The following STK3 variants were observed in gnomAD, a reference collection of about 807,000 sequenced individuals.
STK3 encodes the protein serine/threonine kinase 3, also known as serine/threonine-protein kinase 3.
In STK3, 41 loss-of-function variants were observed where a neutral mutation model predicts 58.0. The observed-to-expected ratio is 0.71, with a 90% CI of 0.55 to 0.92. The LOEUF (loss-of-function observed/expected upper bound fraction) is 0.92, where lower values mean the gene tolerates loss of function less well. Among genes scored for constraint, STK3 ranks in the 40% least tolerant of loss-of-function variants. The pLI, the probability that STK3 is intolerant of heterozygous loss-of-function variation, is 0.00. For synonymous variants in STK3, 170 were observed against 191.0 expected (o/e 0.89, Z 0.91); for missense variants, 479 against 602.7 (o/e 0.79, Z 2.15).
In STK3 at chr8:98,428,438, C is replaced by T. The variant is rs781130635; in HGVS notation, n.483+5689G>A. The stretch of plus-strand genomic sequence containing the variant: ...CGTCTTCCTTCGATGAGATCCTTGC[C>T]TTCTACAACGACGCCTCCAAGTTCG... On this transcript the variant is annotated intron_variant and non_coding_transcript_variant, in intron 3 of 3. Coordinates refer to the STK3 transcript ENST00000517832. The surrounding 1 kb of genome is among the most constrained non-coding windows in gnomAD (Gnocchi z 6.7). 2 of 1,614,146 alleles carry T rather than the reference C, an allele frequency of 1.2e-6. No individual in the cohort carries two copies. The highest frequency in any genetic ancestry group is 1.1e-5 in the South Asian group (1 of 91,086).
At chr8:98,933,825 A>G (rs777778199) in intron 1 of STK3, among the ~76,000 whole-genome samples, 5 of 152,208 alleles carry the variant, frequency 3.3e-5, no homozygotes, top group Admixed American at 6.5e-5. Flanking sequence ...GTTACTAAAT[A>G]TACTTCTAGA....
intron 4 of STK3, among the ~76,000 whole-genome samples, chr8:98,731,172 G>C (rs1251787558): frequency 6.6e-6 from 1 of 152,164 alleles, no homozygotes; most frequent in Non-Finnish European, 1.5e-5. Context: ...TTTCTATGGA[G>C]AAGGTCATAA....
intron 10 of STK3, among the ~76,000 whole-genome samples, chr8:98,481,920 A>G (rs1049847197): frequency 6.6e-6 from 1 of 152,182 alleles, no homozygotes; most frequent in Admixed American, 6.5e-5. Context: ...TACTAAAAAA[A>G]TTTAGTCATT....
intron 3 of STK3, among the ~76,000 whole-genome samples, chr8:98,840,605 A>G (rs1351150197): frequency 1.5e-5 from 2 of 132,302 alleles, no homozygotes; most frequent in Non-Finnish European, 3.2e-5. Flanking sequence ...ATATATATAT[A>G]TATATATATA....
At chr8:98,647,919 T>G (rs1394438568) in intron 6 of STK3, among the ~76,000 whole-genome samples, 1 of 152,196 alleles carries the variant, frequency 6.6e-6, no homozygotes, top group Non-Finnish European at 1.5e-5. Flanking sequence ...GTCCCATAAA[T>G]CCTGTGTGCA....
intron 6 of STK3, among the ~76,000 whole-genome samples, chr8:98,681,127 T>C (rs1377359557): frequency 6.6e-6 from 1 of 152,024 alleles, no homozygotes; most frequent in African/African-American, 2.4e-5. Context: ...GCCTCCCAAG[T>C]AGCTGGGACT....
intron 4 of STK3, among the ~76,000 whole-genome samples, chr8:98,718,291 A>G (rs1230927845): frequency 6.6e-6 from 1 of 152,200 alleles, no homozygotes; most frequent in African/African-American, 2.4e-5. Context: ...ACCATATTTG[A>G]GTTGAATAAA....
Position 98,777,447 on chromosome 8 carries a change from T to C in STK3, c.27-2628A>G, listed in dbSNP as rs142491513. Among the ~76,000 whole-genome samples, 530 of 152,052 alleles carry C rather than the reference T, an allele frequency of 3.5e-3. 3 individuals carry two copies. The highest frequency in any genetic ancestry group is 0.012 in the African/African-American group (477 of 41,460). ...GGAGACTGAGCCTGGGAGATGGAGGTTGCAGTGAGCCGAGATCACGCCACT... is the reference window on the plus strand; with the variant it reads ...GGAGACTGAGCCTGGGAGATGGAGGCTGCAGTGAGCCGAGATCACGCCACT... On this transcript the variant is annotated intron_variant, in intron 1 of 10. Coordinates refer to ENST00000419617, the MANE Select transcript of STK3 (RefSeq NM_006281.4).
chr8:98,367,424 G>C (rs780555190), downstream of STK3, among the ~76,000 whole-genome samples: 1 of 152,204 alleles, frequency 6.6e-6, no homozygotes, highest in Non-Finnish European at 1.5e-5. Context: ...GCTCCCAAGA[G>C]CAACAGGAAG....
chr8:98,772,850 C>T (rs982822976), intron 2 of STK3, among the ~76,000 whole-genome samples: 4 of 152,148 alleles, frequency 2.6e-5, no homozygotes, highest in African/African-American at 9.7e-5. Context: ...GATGCCGGCA[C>T]CGTGCTTTTT....
At chr8:98,808,395 A>G (rs966936595) in intron 1 of STK3, among the ~76,000 whole-genome samples, 1 of 152,100 alleles carries the variant, frequency 6.6e-6, no homozygotes, top group Non-Finnish European at 1.5e-5. Flanking sequence ...CTCTTTCTTT[A>G]TTTTCTCTGT....
At chr8:98,544,385 A>G (rs1278799388) in intron 9 of STK3, among the ~76,000 whole-genome samples, 1 of 152,174 alleles carries the variant, frequency 6.6e-6, no homozygotes, top group Non-Finnish European at 1.5e-5. Context: ...TAAGTTAATA[A>G]TATATACTGT....
intron 3 of STK3, chr8:98,427,678 G>T (rs1818257628): frequency 7.5e-6 from 2 of 266,712 alleles, no homozygotes; most frequent in Non-Finnish European, 1.4e-5. Flanking sequence ...GCAGCCCCCT[G>T]GGCGCTCAGA....
chr8:98,639,143 T>A (rs1480217733), intron 6 of STK3, among the ~76,000 whole-genome samples: 1 of 151,758 alleles, frequency 6.6e-6, no homozygotes, highest in Non-Finnish European at 1.5e-5. Context: ...AAGGTCTTAT[T>A]CTGTCACCCA....
chr8:98,645,482 ATT>A (rs1308939999), intron 6 of STK3, among the ~76,000 whole-genome samples: 2 of 152,210 alleles, frequency 1.3e-5, no homozygotes, highest in Non-Finnish European at 2.9e-5. Flanking sequence ...TAAACGGCAC[ATT>A]TTATATTAGA....
intron 3 of STK3, among the ~76,000 whole-genome samples, chr8:98,868,451 C>T (rs1837229732): frequency 6.6e-6 from 1 of 152,188 alleles, no homozygotes; most frequent in Non-Finnish European, 1.5e-5. Flanking sequence ...CTGTGTATCC[C>T]CCAGCCCCGC....
At chr8:98,897,072 GCAAAACAGATA>G (rs1838479129) in intron 1 of STK3, among the ~76,000 whole-genome samples, 1 of 152,152 alleles carries the variant, frequency 6.6e-6, no homozygotes, top group African/African-American at 2.4e-5. Flanking sequence ...CTGTGTCTAT[GCAAAACAGATA>G]CACCTCCACT....
chr8:98,614,691 G>A (rs1817519247), intron 6 of STK3, among the ~76,000 whole-genome samples: 1 of 152,214 alleles, frequency 6.6e-6, no homozygotes, highest in African/African-American at 2.4e-5. Flanking sequence ...TCAAAGAAAG[G>A]GGTGATGGAT....
chr8:98,684,278 T>A (rs1291395130), intron 6 of STK3, among the ~76,000 whole-genome samples: 3 of 152,104 alleles, frequency 2.0e-5, no homozygotes, highest in Non-Finnish European at 4.4e-5. Context: ...TTTTCAGCAA[T>A]CTCCCCTGGC....
Sources: gnomAD v4.1 joint callset for allele counts (sites outside exome capture counted in the v4.1 genomes callset) on GRCh38, gnomAD v4.1.1 for gene constraint, Gnocchi (gnomAD v3.1) non-coding constraint, MANE v1.5 for transcripts, NCBI Gene and HGNC (gene_info 2026-07-23, HGNC 2026-07-21) for gene names.